Variants in MTBP observed in about 807,000 individuals in gnomAD.
The protein encoded by MTBP is mdm2-binding protein.
MTBP carries 101 observed loss-of-function variants against 117.0 expected under a neutral mutation model. The ratio of observed to expected loss-of-function variants is 0.86; its 90% CI spans 0.73 to 1.02. MTBP has a LOEUF of 1.02. Ranked by LOEUF, MTBP falls within the 50% of genes least tolerant of loss-of-function variation. MTBP has a pLI of 0.00. For missense variants in MTBP, 970 were observed against 1,030.9 expected (o/e 0.94, Z 0.81); for synonymous variants, 350 against 351.5 (o/e 1.00, Z 0.05).
Position 120,488,037 on chromosome 8 carries a change from G to A in MTBP, c.1166-122G>A, listed in dbSNP as rs1814254774. 6.0e-6 allele frequency: 4 copies of A among 666,942 alleles called. No homozygotes were observed. In the East Asian group the frequency reaches 1.3e-4, roughly 22 times the overall value. 41.3% of individuals were successfully genotyped at this position (666,942 alleles called of 1,614,324 possible). A position where few individuals can be genotyped will look rare whatever the true frequency, so the allele number is the denominator to read the frequency against. ...AAATGAACAACTACTAGCCCTGAAT[G>A]TATTAACAGCTTGTTTTAAAATAAC... On this transcript the variant is annotated intron_variant, in intron 11 of 21. Transcript: ENST00000305949.
At chr8:120,456,835 T>C (rs1813479879) in intron 7 of MTBP, among the ~76,000 whole-genome samples, 165 bp downstream of exon 7, 1 of 152,164 alleles carries the variant, frequency 6.6e-6, no homozygotes, top group African/African-American at 2.4e-5. Context: ...GCTAATACAC[T>C]AGCCTACAAA....
chr8:120,478,592 G>C (rs922915952), intron 11 of MTBP, among the ~76,000 whole-genome samples: 1 of 151,962 alleles, frequency 6.6e-6, no homozygotes, highest in African/African-American at 2.4e-5. Flanking sequence ...CATGTTAAAG[G>C]CACTCTTGGA....
chr8:120,485,879 G>A (rs1328314319), intron 11 of MTBP, among the ~76,000 whole-genome samples: 1 of 152,174 alleles, frequency 6.6e-6, no homozygotes, highest in Non-Finnish European at 1.5e-5. Flanking sequence ...GCGGCCTTCA[G>A]TGTGGCCACA....
In MTBP at chr8:120,491,481, C is replaced by T. The variant is rs902888113; in HGVS notation, c.1447+911C>T. Among the ~76,000 whole-genome samples, 3 of 151,670 alleles carry T rather than the reference C, an allele frequency of 2.0e-5. No homozygotes were observed. In the East Asian group the frequency reaches 5.8e-4, roughly 29 times the overall value. ...ATTGGTGTGTTGTTTTTTTTAACCACGAAAATGATGTTTGCTCAAGGAAGG... is the reference window on the plus strand; with the variant it reads ...ATTGGTGTGTTGTTTTTTTTAACCATGAAAATGATGTTTGCTCAAGGAAGG... On this transcript the variant is annotated intron_variant, in intron 13 of 21. Coordinates refer to ENST00000305949, the MANE Select transcript of MTBP (RefSeq NM_022045.5).
chr8:120,503,497 A>G (rs1814626048), intron 15 of MTBP, among the ~76,000 whole-genome samples: 1 of 152,182 alleles, frequency 6.6e-6, no homozygotes, highest in Non-Finnish European at 1.5e-5. Flanking sequence ...ATGGTCAGGG[A>G]GACCTCTTAG....
intron 11 of MTBP, among the ~76,000 whole-genome samples, chr8:120,474,470 C>G (rs946066478): frequency 1.3e-5 from 2 of 151,928 alleles, no homozygotes; most frequent in African/African-American, 4.8e-5. Context: ...CCTAGCATCA[C>G]TAACAATACC....
chr8:120,514,573 T>C (rs1814882170), intron 17 of MTBP, among the ~76,000 whole-genome samples: 1 of 152,038 alleles, frequency 6.6e-6, no homozygotes, highest in Non-Finnish European at 1.5e-5. Flanking sequence ...AGGAGTAAGA[T>C]GATTCTTACA....
intron 2 of MTBP, among the ~76,000 whole-genome samples, chr8:120,449,702 G>T (rs952114572): frequency 6.6e-6 from 1 of 152,104 alleles, no homozygotes; most frequent in Non-Finnish European, 1.5e-5. Context: ...AAAGAATAAG[G>T]AGCAGCCAGA....
intron 5 of MTBP, among the ~76,000 whole-genome samples, chr8:120,455,066 C>A (rs1348792652): frequency 6.6e-6 from 1 of 150,788 alleles, no homozygotes; most frequent in East Asian, 1.9e-4. Flanking sequence ...AATGAAATTG[C>A]ACAGGTTTTT....
At chr8:120,492,245 C>T (rs1814361968) in intron 13 of MTBP, among the ~76,000 whole-genome samples, 2 of 152,142 alleles carry the variant, frequency 1.3e-5, no homozygotes, top group African/African-American at 4.8e-5. Context: ...CTTCTCTACC[C>T]AGAGAGTTAA....
intron 16 of MTBP, among the ~76,000 whole-genome samples, chr8:120,508,837 C>G (rs1041117901): frequency 5.3e-5 from 8 of 152,264 alleles, no homozygotes; most frequent in African/African-American, 1.9e-4. Flanking sequence ...AGCTTCAGGA[C>G]CATGATCCAT....
At chr8:120,455,682 TGAC>T in intron 6 of MTBP, 103 bp downstream of exon 6, 1 of 1,143,458 alleles carries the variant, frequency 8.7e-7, no homozygotes, top group East Asian at 2.5e-5. Context: ...TATTTTAATA[TGAC>T]AACATAAAAT....
At chr8:120,461,086 TA>T in intron 8 of MTBP, 74 bp from the exon 9 acceptor site, 1 of 1,116,602 alleles carries the variant, frequency 9.0e-7, no homozygotes, top group Non-Finnish European at 1.3e-6. Flanking sequence ...TTTAAAGTTT[TA>T]AACCCTTAAT....
chr8:120,449,280 G>A (rs1813288273), intron 2 of MTBP, among the ~76,000 whole-genome samples: 1 of 152,104 alleles, frequency 6.6e-6, no homozygotes, highest in African/African-American at 2.4e-5. Context: ...GTGGGTAATG[G>A]CATGATGGTG....
intron 18 of MTBP, among the ~76,000 whole-genome samples, 194 bp from the exon 19 acceptor site, chr8:120,517,657 T>G (rs1160309848): frequency 6.6e-6 from 1 of 151,676 alleles, no homozygotes; most frequent in African/African-American, 2.4e-5. Context: ...ATATATTATG[T>G]AATATATTAT....
In MTBP at chr8:120,502,400, C is replaced by T. The variant is rs1439660756; in HGVS notation, c.1610-92C>T. On this transcript the variant is annotated intron_variant, in intron 14 of 21. Coordinates refer to ENST00000305949, the MANE Select transcript of MTBP (RefSeq NM_022045.5). ...GCCTTTATAGACACACATACACACA[C>T]ACGTATGTATGTGTCTGTAAATACA... The T allele has an allele frequency of 6.5e-6, 5 of 770,300 alleles. No homozygotes were observed. In the East Asian group the frequency reaches 7.8e-5, roughly 12 times the overall value. 47.7% of individuals were successfully genotyped at this position (770,300 alleles called of 1,614,324 possible).
At chr8:120,480,538 A>G (rs1236384840) in intron 11 of MTBP, among the ~76,000 whole-genome samples, 3 of 152,232 alleles carry the variant, frequency 2.0e-5, no homozygotes, top group Non-Finnish European at 4.4e-5. Flanking sequence ...TGATCTCATG[A>G]CTTATTATAA....
intron 14 of MTBP, among the ~76,000 whole-genome samples, chr8:120,498,002 C>T (rs1814504363): frequency 6.6e-6 from 1 of 152,160 alleles, no homozygotes; most frequent in African/African-American, 2.4e-5. Context: ...ACTGAGACAG[C>T]TGGAAATCAT....
chr8:120,511,919 C>T (rs1381698798), intron 17 of MTBP, among the ~76,000 whole-genome samples: 1 of 152,064 alleles, frequency 6.6e-6, no homozygotes, highest in South Asian at 2.1e-4. Flanking sequence ...AAAATATTGA[C>T]TCTGCTATGA....
Sources: gnomAD v4.1 joint callset for allele counts (sites outside exome capture counted in the v4.1 genomes callset) on GRCh38, gnomAD v4.1.1 for gene constraint, MANE v1.5 for transcripts, NCBI Gene and HGNC (gene_info 2026-07-23, HGNC 2026-07-21) for gene names.